The following ZNF367 variants were observed in gnomAD, a reference collection of about 807,000 sequenced individuals.
The protein encoded by ZNF367 is zinc finger protein 367.
A neutral mutation model predicts 31.8 loss-of-function variants in ZNF367; 11 were observed. The ratio of observed to expected loss-of-function variants is 0.35; its 90% CI spans 0.22 to 0.57. ZNF367 has a LOEUF of 0.57. Ranked by LOEUF, ZNF367 falls within the 20% of genes least tolerant of loss-of-function variation. The probability of loss-of-function intolerance (pLI) is 0.85; values close to 1 mark genes in which losing one functional copy is unlikely to be tolerated. For synonymous variants in ZNF367, 199 were observed against 202.4 expected, an observed-to-expected ratio of 0.98 and a Z score of 0.14; for missense variants, 353 against 484.1, an observed-to-expected ratio of 0.73 and a Z score of 2.54.
At chr9:96,412,624 A>T (rs1225841750) in intron 1 of ZNF367, among the ~76,000 whole-genome samples, 1 of 152,068 alleles carries the variant, frequency 6.6e-6, no homozygotes, top group Non-Finnish European at 1.5e-5. Flanking sequence ...AATTGAGTGC[A>T]CTTTTATAAA....
At chr9:96,389,896 ATT>A (rs777507011) in intron 4 of ZNF367, among the ~76,000 whole-genome samples, 2,851 of 94,014 alleles carry the variant, frequency 0.03, 32 homozygotes, top group Middle Eastern at 0.086. Context: ...TGCCTGGCTA[ATT>A]TTTTTTTTTT....
At position 96,388,073 on chromosome 9, in the gene ZNF367, G is replaced by T; in HGVS notation, c.*164C>A. On this transcript the variant is annotated 3_prime_UTR_variant, in exon 5 of 5. Coordinates refer to ENST00000375256, the MANE Select transcript of ZNF367 (RefSeq NM_153695.4). Reference sequence around the variant, plus strand: ...GAATTCATTTCCATATTAAAAAAGTGCAGTTCTCTCTCACCCCATATTCTG... The same window carrying T: ...GAATTCATTTCCATATTAAAAAAGTTCAGTTCTCTCTCACCCCATATTCTG... The T allele has an allele frequency of 1.6e-6, 1 of 632,312 alleles. No individual in the cohort carries two copies. Among genetic ancestry groups the T allele is most frequent in the Non-Finnish European group, 2.7e-6 (1 of 374,852 alleles). The allele number at this position is 632,312 out of a possible 1,614,324, so 39.2% of individuals were successfully genotyped here. A position where few individuals can be genotyped will look rare whatever the true frequency, so the allele number is the denominator to read the frequency against.
Position 96,410,561 on chromosome 9 carries a change from C to CAAA in ZNF367, c.420+7049_420+7051dup, listed in dbSNP as rs35609930. Among the ~76,000 whole-genome samples the CAAA allele has an allele frequency of 1.8e-3, 122 of 69,600 alleles. 2 individuals are homozygous for CAAA. Among genetic ancestry groups the CAAA allele is most frequent in the South Asian group, 4.7e-3 (8 of 1,690 alleles). 45.7% of individuals were successfully genotyped at this position (69,600 alleles called of 152,430 possible). ...TGGGCAACAGAGAGAGACTCCGTCT[C>CAAA]AAAAAAAAAAAAAAAAAACAAAAAA... is the stretch of plus-strand genomic sequence containing the variant. On this transcript the variant is annotated intron_variant, in intron 1 of 4. Transcript: ENST00000375256.
At chr9:96,391,195 G>T (rs1259001443) in intron 4 of ZNF367, among the ~76,000 whole-genome samples, 1 of 152,134 alleles carries the variant, frequency 6.6e-6, no homozygotes, top group African/African-American at 2.4e-5. Context: ...GCTCTGCTAG[G>T]CCCTAGGCTT....
At chr9:96,407,251 G>A (rs1401082411) in intron 1 of ZNF367, 13 of 1,238,558 alleles carry the variant, frequency 1.0e-5, no homozygotes, top group Admixed American at 3.6e-5. Context: ...TCGCACCCCA[G>A]GGGCTGCTCC....
chr9:96,404,933 A>T (rs748666839), intron 1 of ZNF367, among the ~76,000 whole-genome samples: 4 of 152,214 alleles, frequency 2.6e-5, no homozygotes, highest in Non-Finnish European at 5.9e-5. Context: ...CAAAAAACTC[A>T]ATTAAAAAAT....
At chr9:96,402,975 C>CT (rs375468277) in intron 1 of ZNF367, among the ~76,000 whole-genome samples, 27,056 of 146,962 alleles carry the variant, frequency 0.18, 2,640 homozygotes, top group African/African-American at 0.26. Context: ...AAACAACACA[C>CT]TTTTTTTTTT....
At chr9:96,416,621 T>G (rs1054419944) in intron 1 of ZNF367, among the ~76,000 whole-genome samples, 1 of 152,214 alleles carries the variant, frequency 6.6e-6, no homozygotes, top group Non-Finnish European at 1.5e-5. Flanking sequence ...CACTATGTGA[T>G]TTACTTGTTA....
chr9:96,399,256 A>G (rs970036333), intron 1 of ZNF367, among the ~76,000 whole-genome samples: 8 of 152,146 alleles, frequency 5.3e-5, no homozygotes, highest in Admixed American at 5.2e-4. Context: ...AGCAGGGCTA[A>G]GCAACCACAG....
chr9:96,417,876 G>C lies in ZNF367; in HGVS notation c.157C>G (p.Pro53Ala), dbSNP rs1831855739. The change falls in exon 1 of 5, where the codon CCG becomes GCG. Residue 53 changes from proline to alanine, a missense_variant. Around this residue, in one of 5 missense-constraint regions of ZNF367, gnomAD observed 94 missense variants for 86.7 expected, o/e 1.08. Coordinates refer to ENST00000375256, the MANE Select transcript of ZNF367 (RefSeq NM_153695.4). This position sits in a 1 kb window ranked among gnomAD's most constrained non-coding sequence, Gnocchi z 5.0. ...GGGCTGGTGGGGATGAGCGGCGGCG[G>C]CGGCTCCGGCTCCCCTCCACCGCCG... ...TCGGGGEPEP[P>A]PPLIPTSPGF... 9 of 1,517,052 alleles carry C rather than the reference G, an allele frequency of 5.9e-6. No homozygotes were observed. Among genetic ancestry groups the C allele is most frequent in the Non-Finnish European group, 7.9e-6 (9 of 1,141,650 alleles). The allele number at this position is 1,517,052 out of a possible 1,614,324, so 94.0% of individuals were successfully genotyped here. A position where few individuals can be genotyped will look rare whatever the true frequency, so the allele number is the denominator to read the frequency against.
chr9:96,407,394 G>A (rs1831684340), intron 1 of ZNF367: 1 of 1,490,584 alleles, frequency 6.7e-7, no homozygotes, highest in Admixed American at 1.7e-5. Flanking sequence ...AACGTTCAAA[G>A]AAGGCAAAGA....
chr9:96,411,467 G>A (rs919372231), intron 1 of ZNF367, among the ~76,000 whole-genome samples: 5 of 151,918 alleles, frequency 3.3e-5, no homozygotes, highest in Non-Finnish European at 5.9e-5. Context: ...TGAGGCTGAG[G>A]TGGGAGGATC....
intron 4 of ZNF367, among the ~76,000 whole-genome samples, chr9:96,390,454 T>C (rs1384029980): frequency 6.6e-6 from 1 of 152,170 alleles, no homozygotes; most frequent in East Asian, 1.9e-4. Context: ...GTTTAGGCTT[T>C]AGACTGAGGA....
At chr9:96,414,361 A>G (rs1831790486) in intron 1 of ZNF367, among the ~76,000 whole-genome samples, 1 of 152,272 alleles carries the variant, frequency 6.6e-6, no homozygotes, top group Non-Finnish European at 1.5e-5. Context: ...TGAGAAAAGA[A>G]AAAAGCAGAA....
chr9:96,395,996 TTG>T (rs1831525840), intron 2 of ZNF367, among the ~76,000 whole-genome samples: 1 of 152,280 alleles, frequency 6.6e-6, no homozygotes, highest in Non-Finnish European at 1.5e-5. Context: ...TAATAAATGG[TTG>T]TGATAGTTGA....
At chr9:96,403,631 A>C (rs2131077412) in intron 1 of ZNF367, among the ~76,000 whole-genome samples, 1 of 152,344 alleles carries the variant, frequency 6.6e-6, no homozygotes, top group Non-Finnish European at 1.5e-5. Flanking sequence ...AGCACTGGCA[A>C]TTAAGACAGT....
At chr9:96,410,790 A>C (rs1005754626) in intron 1 of ZNF367, among the ~76,000 whole-genome samples, 29 of 151,822 alleles carry the variant, frequency 1.9e-4, no homozygotes, top group Non-Finnish European at 3.8e-4. Context: ...AGGAAGGAGA[A>C]TCGCTTGAAC....
intron 1 of ZNF367, among the ~76,000 whole-genome samples, chr9:96,416,084 G>GTTTT (rs1564146300): frequency 7.6e-6 from 1 of 131,226 alleles, no homozygotes. Context: ...TTTTTTTTTT[G>GTTTT]TTGTTTTTTT....
At position 96,418,079 on chromosome 9, in the gene ZNF367, A is replaced by G. The variant is rs1251828395; in HGVS notation, c.-47T>C. Reference sequence around the variant, plus strand: ...CCGGCGGCCCCGGGCCGCACTCCTGAGCACCGCTCTGCCCCTCACTCGCTC... The same window carrying G: ...CCGGCGGCCCCGGGCCGCACTCCTGGGCACCGCTCTGCCCCTCACTCGCTC... On this transcript the variant is annotated 5_prime_UTR_variant, in exon 1 of 5. Coordinates refer to ENST00000375256, the MANE Select transcript of ZNF367 (RefSeq NM_153695.4). 5.2e-6 allele frequency: 7 copies of G among 1,335,094 alleles called. No individual in the cohort carries two copies. The highest frequency in any genetic ancestry group is 1.8e-5 in the South Asian group (1 of 54,122). The allele number at this position is 1,335,094 out of a possible 1,614,324, so 82.7% of individuals were successfully genotyped here. A position where few individuals can be genotyped will look rare whatever the true frequency, so the allele number is the denominator to read the frequency against.
Sources: allele counts gnomAD v4.1 joint callset (sites outside exome capture counted in the v4.1 genomes callset), GRCh38; gene constraint gnomAD v4.1.1; regional missense constraint gnomAD v4.1.1; non-coding constraint Gnocchi (gnomAD v3.1); transcripts MANE v1.5; gene names NCBI Gene and HGNC (gene_info 2026-07-23, HGNC 2026-07-21).